The following FAM184B variants were observed in gnomAD, a reference collection of about 807,000 sequenced individuals.
FAM184B encodes protein FAM184B.
FAM184B carries 111 observed loss-of-function variants against 135.9 expected under a neutral mutation model. The observed-to-expected ratio is 0.82, with a 90% CI of 0.70 to 0.96. FAM184B has a LOEUF of 0.96. FAM184B is among the 40% of genes least tolerant of loss of function. The probability of loss-of-function intolerance (pLI) is 0.00; values close to 1 mark genes in which losing one functional copy is unlikely to be tolerated. For synonymous variants in FAM184B, 552 were observed against 524.8 expected (o/e 1.05, Z -0.71); for missense variants, 1,375 against 1,323.9 (o/e 1.04, Z -0.60).
At chr4:17,685,210 A>G (rs577000507) in intron 7 of FAM184B, among the ~76,000 whole-genome samples, 1 of 150,972 alleles carries the variant, frequency 6.6e-6, no homozygotes, top group East Asian at 1.9e-4. Flanking sequence ...AAAAAAAAAA[A>G]AAAAAAAAGA....
rs554291647 is a variant in FAM184B, at chr4:17,723,987, G to A, written c.142-14343C>T. 9.7e-4 allele frequency among the ~76,000 whole-genome samples: 147 copies of A among 152,170 alleles called. 1 individual carries two copies. Among genetic ancestry groups the A allele is most frequent in the Non-Finnish European group, 2.1e-3 (140 of 68,000 alleles). ...ACTCTCTTAAACAAGGTACAATCTT[G>A]TTCCAGGTTTGTTTCAGAATCACAC... On this transcript the variant is annotated intron_variant, in intron 1 of 17. Coordinates refer to ENST00000265018, the MANE Select transcript of FAM184B (RefSeq NM_015688.2).
In FAM184B at chr4:17,658,512, C is replaced by T. The variant is rs867067610; in HGVS notation, c.1875G>A (p.Glu625=). 1.9e-6 allele frequency: 3 copies of T among 1,551,514 alleles called. No individual in the cohort carries two copies. The highest frequency in any genetic ancestry group is 1.7e-6 in the Non-Finnish European group (2 of 1,146,992). The change falls in exon 10 of 18, where the codon GAG becomes GAA. Residue 625 remains glutamate (E), a synonymous_variant. Coordinates refer to ENST00000265018, the MANE Select transcript of FAM184B (RefSeq NM_015688.2). ...AGAGCTGCTTGAGTGCCTGCAGGTC[C>T]TCCCTGTAGTTGCTGGTGCACTGCT... ...ALEQCTSNYR[E]DLQALKQLSD...
intron 1 of FAM184B, among the ~76,000 whole-genome samples, chr4:17,757,504 G>A (rs1718448952): frequency 6.6e-6 from 1 of 152,036 alleles, no homozygotes; most frequent in Admixed American, 6.6e-5. Flanking sequence ...TTTTTTCAGT[G>A]TGATAATGGC....
intron 8 of FAM184B, among the ~76,000 whole-genome samples, chr4:17,661,861 GTTA>G (rs1335126532): frequency 2.6e-5 from 4 of 152,192 alleles, no homozygotes; most frequent in East Asian, 1.9e-4. Context: ...ATAGGGCTCA[GTTA>G]TTATTATTCT....
chr4:17,697,651 G>GAAGTTTTGTTTA (rs1330015395), intron 5 of FAM184B, among the ~76,000 whole-genome samples: 3 of 152,154 alleles, frequency 2.0e-5, no homozygotes, highest in Non-Finnish European at 2.9e-5. Context: ...TTATTGAACA[G>GAAGTTTTGTTTA]AAGTTTTGTT....
intron 1 of FAM184B, among the ~76,000 whole-genome samples, chr4:17,732,299 T>C (rs1717799579): frequency 6.6e-6 from 1 of 151,908 alleles, no homozygotes; most frequent in Admixed American, 6.6e-5. Context: ...AGCAAACACA[T>C]TGAAAAGCTA....
At chr4:17,693,705 C>A (rs1716790441) in intron 5 of FAM184B, among the ~76,000 whole-genome samples, 1 of 152,198 alleles carries the variant, frequency 6.6e-6, no homozygotes, top group Non-Finnish European at 1.5e-5. Context: ...ACATTCATTA[C>A]TAACAAACTT....
intron 1 of FAM184B, among the ~76,000 whole-genome samples, chr4:17,779,969 A>G (rs1049973961): frequency 5.3e-5 from 8 of 152,238 alleles, no homozygotes; most frequent in African/African-American, 1.9e-4. Context: ...GGTTAGATCA[A>G]TAGTACCAGC....
intron 1 of FAM184B, among the ~76,000 whole-genome samples, chr4:17,758,748 A>G (rs1718477955): frequency 1.3e-5 from 2 of 152,226 alleles, no homozygotes; most frequent in Admixed American, 6.5e-5. Flanking sequence ...CTGCTCAGGG[A>G]TCACAACAAC....
intron 1 of FAM184B, among the ~76,000 whole-genome samples, chr4:17,737,654 G>A (rs1197330232): frequency 1.3e-5 from 2 of 152,082 alleles, no homozygotes; most frequent in Non-Finnish European, 2.9e-5. Flanking sequence ...TTTATCTTTC[G>A]ATTTTCAGTG....
At position 17,632,217 on chromosome 4, in the gene FAM184B, GGCACAC is replaced by G. The variant is rs1243070007; in HGVS notation, c.*309_*314del. The G allele has an allele frequency of 1.2e-5, 2 of 168,160 alleles. No individual in the cohort carries two copies. The highest frequency in any genetic ancestry group is 2.6e-5 in the Non-Finnish European group (2 of 77,752). The allele number at this position is 168,160 out of a possible 1,614,324, so 10.4% of individuals were successfully genotyped here. A position where few individuals can be genotyped will look rare whatever the true frequency, so the allele number is the denominator to read the frequency against. ...AGTCCCCCAAGTACCTGGGACCACA[GGCACAC>G]GCCACCATGCCTGGCTAATTTTTGT... On this transcript the variant is annotated 3_prime_UTR_variant, in exon 18 of 18. Transcript: ENST00000265018.
chr4:17,749,798 G>A lies in FAM184B; in HGVS notation c.141+31361C>T, dbSNP rs539247042. On this transcript the variant is annotated intron_variant, in intron 1 of 17. Coordinates refer to ENST00000265018, the MANE Select transcript of FAM184B (RefSeq NM_015688.2). ...TGGTGTTTCTTGCCAGGTTACTTTC[G>A]TGCATATATATTTTAAGGTATTTAT... Among the ~76,000 whole-genome samples the A allele has an allele frequency of 1.3e-4, 20 of 152,200 alleles. No individual in the cohort carries two copies. The South Asian group carries it at 3.3e-3, about 25-fold the overall frequency.
At chr4:17,726,803 C>A (rs1717653041) in intron 1 of FAM184B, among the ~76,000 whole-genome samples, 2 of 152,218 alleles carry the variant, frequency 1.3e-5, no homozygotes, top group Admixed American at 6.5e-5. Flanking sequence ...CCAGCTCAGC[C>A]TGCCCCAGGA....
chr4:17,730,649 GA>G (rs1456772788), intron 1 of FAM184B, among the ~76,000 whole-genome samples: 32 of 152,222 alleles, frequency 2.1e-4, no homozygotes, highest in Admixed American at 2.1e-3. Flanking sequence ...AAACAGAGCA[GA>G]AAAACTGGAA....
intron 1 of FAM184B, among the ~76,000 whole-genome samples, chr4:17,754,768 C>A (rs1331717075): frequency 6.6e-6 from 1 of 151,892 alleles, no homozygotes; most frequent in Non-Finnish European, 1.5e-5. Context: ...CTGAGACTTT[C>A]CCACATATAT....
Position 17,708,892 on chromosome 4 carries a change from C to T in FAM184B, c.894G>A (p.Gln298=). Reference sequence around the variant, plus strand: ...GTTGTAAGAAGAGATGCTGCTTTACCTGAATCCTCTCCTTCAGCTTCTGGG... The same window carrying T: ...GTTGTAAGAAGAGATGCTGCTTTACTTGAATCCTCTCCTTCAGCTTCTGGG... ...KYAQKLKERI[Q]DLDVQLKEAR... The change falls in exon 2 of 18, where the codon CAG becomes CAA. Residue 298 remains glutamine, a splice_region_variant and synonymous_variant. Coordinates refer to ENST00000265018, the MANE Select transcript of FAM184B (RefSeq NM_015688.2). 6.7e-7 allele frequency: 1 copy of T among 1,503,162 alleles called. No individual in the cohort carries two copies. The highest frequency in any genetic ancestry group is 1.3e-5 in the South Asian group (1 of 74,804). The allele number at this position is 1,503,162 out of a possible 1,614,324, so 93.1% of individuals were successfully genotyped here. A position where few individuals can be genotyped will look rare whatever the true frequency, so the allele number is the denominator to read the frequency against.
At chr4:17,640,316 C>CA (rs376386841) in intron 13 of FAM184B, among the ~76,000 whole-genome samples, 2,515 of 133,792 alleles carry the variant, frequency 0.019, 30 homozygotes, top group Middle Eastern at 0.035. Context: ...ACTAAAAATA[C>CA]AAAAAAAAAA....
At chr4:17,712,121 A>G (rs1160123433) in intron 1 of FAM184B, among the ~76,000 whole-genome samples, 1 of 152,198 alleles carries the variant, frequency 6.6e-6, no homozygotes, top group Non-Finnish European at 1.5e-5. Context: ...GGAAGGATGG[A>G]TGGGTTATCT....
intron 1 of FAM184B, among the ~76,000 whole-genome samples, chr4:17,715,027 C>A (rs1404073742): frequency 6.6e-6 from 1 of 152,196 alleles, no homozygotes; most frequent in Non-Finnish European, 1.5e-5. Flanking sequence ...TATATCCTTT[C>A]AGGGATAGTG....
Sources: allele counts gnomAD v4.1 joint callset (sites outside exome capture counted in the v4.1 genomes callset), GRCh38; gene constraint gnomAD v4.1.1; transcripts MANE v1.5; gene names NCBI Gene and HGNC (gene_info 2026-07-23, HGNC 2026-07-21).